Variants in PTPRD observed in about 807,000 individuals in gnomAD.
The protein encoded by PTPRD is receptor-type tyrosine-protein phosphatase delta.
In PTPRD, 34 loss-of-function variants were observed where a neutral mutation model predicts 214.5. That is an observed-to-expected ratio of 0.16 (90% CI 0.12 to 0.21). The LOEUF (loss-of-function observed/expected upper bound fraction) is 0.21. Ranked by LOEUF, PTPRD falls within the 10% of genes least tolerant of loss-of-function variation. PTPRD has a pLI of 1.00. For synonymous variants in PTPRD, 1,128 were observed against 845.7 expected (o/e 1.33, Z -5.79); for missense variants, 2,545 against 2,398.7 (o/e 1.06, Z -1.27).
chr9:9,450,984 C>CACACACACACAG (rs1555421822), intron 8 of PTPRD, among the ~76,000 whole-genome samples: 1 of 151,220 alleles, frequency 6.6e-6, no homozygotes, highest in Non-Finnish European at 1.5e-5. Context: ...CACACACACA[C>CACACACACACAG]ACAGACACAC....
chr9:9,481,486 G>C (rs2095413015), intron 8 of PTPRD, among the ~76,000 whole-genome samples: 1 of 152,128 alleles, frequency 6.6e-6, no homozygotes, highest in Non-Finnish European at 1.5e-5. Flanking sequence ...GGTAGGACTA[G>C]TGTCTAGTGC....
chr9:10,572,514 A>C lies in PTPRD; in HGVS notation c.-600+39884T>G, dbSNP rs1180288252. Among the ~76,000 whole-genome samples the C allele has an allele frequency of 2.0e-5, 3 of 152,196 alleles. No individual in the cohort carries two copies. In the East Asian group the frequency reaches 5.8e-4, roughly 29 times the overall value. On this transcript the variant is annotated intron_variant, in intron 2 of 45. Coordinates refer to ENST00000381196, the MANE Select transcript of PTPRD (RefSeq NM_002839.4). ...AGTGGGACAAAGAATGATGTCCTCA[A>C]GACCAAAAACAGTGATGAAGGAAGC...
chr9:9,012,100 G>C (rs2099514221), intron 11 of PTPRD, among the ~76,000 whole-genome samples: 1 of 152,154 alleles, frequency 6.6e-6, no homozygotes, highest in African/African-American at 2.4e-5. Flanking sequence ...AAAAGCTATA[G>C]TCAAGGAACT....
intron 3 of PTPRD, among the ~76,000 whole-genome samples, chr9:10,037,690 T>A (rs1567237272): frequency 6.6e-6 from 1 of 152,110 alleles, no homozygotes; most frequent in Non-Finnish European, 1.5e-5. Context: ...TACTAATATT[T>A]GAGAGAGGAT....
At chr9:8,950,802 T>G (rs958122485) in intron 11 of PTPRD, among the ~76,000 whole-genome samples, 1 of 151,886 alleles carries the variant, frequency 6.6e-6, no homozygotes, top group African/African-American at 2.4e-5. Flanking sequence ...CCAGAGAGGT[T>G]AGTTGAATGG....
intron 5 of PTPRD, among the ~76,000 whole-genome samples, chr9:9,820,511 G>C (rs2050340603): frequency 6.6e-6 from 1 of 152,000 alleles, no homozygotes; most frequent in Non-Finnish European, 1.5e-5. Context: ...GTCAATTTTT[G>C]TTGTTGTTGC....
intron 9 of PTPRD, among the ~76,000 whole-genome samples, chr9:9,235,137 G>A (rs4409448): frequency 0.52 from 78,805 of 151,880 alleles, 20,649 homozygotes; most frequent in African/African-American, 0.56. Context: ...TCTCAGGGTG[G>A]CGGGAGACAG....
chr9:9,574,632 A>T (rs1228420838), intron 8 of PTPRD, 100 bp downstream of exon 8: 1 of 152,018 alleles, frequency 6.6e-6, no homozygotes, highest in Admixed American at 6.6e-5. Flanking sequence ...TAAATATCAA[A>T]TGACTTATTT....
chr9:9,834,445 A>G (rs969305525), intron 5 of PTPRD, among the ~76,000 whole-genome samples: 1 of 152,080 alleles, frequency 6.6e-6, no homozygotes, highest in Non-Finnish European at 1.5e-5. Flanking sequence ...GAAAGTTTAT[A>G]GTGGTCAGGT....
intron 2 of PTPRD, among the ~76,000 whole-genome samples, chr9:10,398,259 C>A (rs533577621): frequency 6.6e-6 from 1 of 151,602 alleles, no homozygotes; most frequent in East Asian, 2.0e-4. Flanking sequence ...TATATGCCTA[C>A]AATCCCAGCT....
intron 5 of PTPRD, among the ~76,000 whole-genome samples, chr9:9,819,216 G>A: frequency 6.6e-6 from 1 of 152,218 alleles, no homozygotes; most frequent in South Asian, 2.1e-4. Context: ...GTGAGGAAGT[G>A]TCTTCATTGA....
intron 16 of PTPRD, among the ~76,000 whole-genome samples, chr9:8,526,884 C>T (rs1293370313): frequency 1.3e-5 from 2 of 152,036 alleles, no homozygotes; most frequent in African/African-American, 2.4e-5. Flanking sequence ...CATTGCCTTT[C>T]TCAGAGAAGC....
chr9:10,542,689 T>C (rs1217628172), intron 2 of PTPRD, among the ~76,000 whole-genome samples: 1 of 152,086 alleles, frequency 6.6e-6, no homozygotes, highest in East Asian at 1.9e-4. Flanking sequence ...AAATATTTAC[T>C]ATAGATTTTC....
intron 32 of PTPRD, among the ~76,000 whole-genome samples, chr9:8,464,945 G>C (rs1312589834): frequency 6.6e-6 from 1 of 151,744 alleles, no homozygotes; most frequent in African/African-American, 2.4e-5. Flanking sequence ...CATGAATCCG[G>C]GTAGAGGCAC....
At chr9:8,457,656 C>T (rs2096254810) in intron 33 of PTPRD, among the ~76,000 whole-genome samples, 2 of 151,954 alleles carry the variant, frequency 1.3e-5, no homozygotes, top group Admixed American at 6.6e-5. Context: ...AGCTACAGAC[C>T]TATTGCTAAT....
In PTPRD at chr9:10,224,131, T is replaced by C. The variant is rs549445576; in HGVS notation, c.-545+116832A>G. ...TTGAGAATAATAACACCAATACAAA[T>C]ATTAAGAAGGATAATCATAGAATCC... On this transcript the variant is annotated intron_variant, in intron 3 of 45. Transcript: ENST00000381196. Among the ~76,000 whole-genome samples the C allele has an allele frequency of 3.9e-5, 6 of 152,096 alleles. No individual in the cohort carries two copies. The South Asian group carries it at 1.2e-3, about 31-fold the overall frequency.
rs139624278 is a variant in PTPRD at position 10,344,310 on chromosome 9, G to C, written c.-599-3293C>G. 6.3e-4 allele frequency among the ~76,000 whole-genome samples: 96 copies of C among 152,020 alleles called. 1 individual carries two copies. The East Asian group carries it at 0.014, about 22-fold the overall frequency. ...AATCCTTTCTCCATTTCTTGTTTTTGTCAGGTTTGTCATACATCAGATGGT... is the reference window on the plus strand; with the variant it reads ...AATCCTTTCTCCATTTCTTGTTTTTCTCAGGTTTGTCATACATCAGATGGT... On this transcript the variant is annotated intron_variant, in intron 2 of 45. Transcript: ENST00000381196.
chr9:9,595,288 TTATATATA>T (rs56676115), intron 7 of PTPRD, among the ~76,000 whole-genome samples: 3,511 of 123,346 alleles, frequency 0.028, 201 homozygotes, highest in African/African-American at 0.097. Flanking sequence ...TATATATATA[TTATATATA>T]TATATATATA....
Position 9,531,219 on chromosome 9 carries a change from A to G in PTPRD, c.-237+43513T>C, listed in dbSNP as rs376821353. Among the ~76,000 whole-genome samples the G allele has an allele frequency of 4.6e-5, 7 of 152,148 alleles. No homozygotes were observed. The East Asian group carries it at 9.7e-4, about 21-fold the overall frequency. ...AAATATGATATATCCATTCTGTAGAATGCTACTCAGCACTAAAAAGGACTG... is the reference window on the plus strand; with the variant it reads ...AAATATGATATATCCATTCTGTAGAGTGCTACTCAGCACTAAAAAGGACTG... On this transcript the variant is annotated intron_variant, in intron 8 of 45. Coordinates refer to ENST00000381196, the MANE Select transcript of PTPRD (RefSeq NM_002839.4).
Sources: allele counts gnomAD v4.1 joint callset (sites outside exome capture counted in the v4.1 genomes callset), GRCh38; gene constraint gnomAD v4.1.1; transcripts MANE v1.5; gene names NCBI Gene and HGNC (gene_info 2026-07-23, HGNC 2026-07-21).